The following CACNA2D3 variants were observed in gnomAD, a reference collection of about 807,000 sequenced individuals.
CACNA2D3 encodes the protein voltage-dependent calcium channel subunit alpha-2/delta-3.
Under a neutral mutation model 160.6 loss-of-function variants are expected in CACNA2D3, and 60 were observed. That is an observed-to-expected ratio of 0.37 (90% CI 0.30 to 0.46). The LOEUF is 0.46. Among genes scored for constraint, CACNA2D3 ranks in the 20% least tolerant of loss-of-function variants. CACNA2D3 has a pLI of 1.00. For missense variants in CACNA2D3, 1,205 were observed against 1,365.0 expected (o/e 0.88, Z 1.85); for synonymous variants, 558 against 492.9 (o/e 1.13, Z -1.75).
intron 2 of CACNA2D3, chr3:54,273,299 T>C (rs970872589): frequency 6.6e-6 from 1 of 152,274 alleles, no homozygotes; most frequent in Admixed American, 6.5e-5. Flanking sequence ...CCTTCTTCCT[T>C]TGTCGGCTGT....
At chr3:54,742,909 C>T (rs1701683246) in intron 11 of CACNA2D3, among the ~76,000 whole-genome samples, 1 of 152,170 alleles carries the variant, frequency 6.6e-6, no homozygotes, top group Non-Finnish European at 1.5e-5. Flanking sequence ...TTTTATACCT[C>T]CATTTCCTCA....
chr3:54,351,923 A>G (rs1266299632), intron 3 of CACNA2D3, among the ~76,000 whole-genome samples: 1 of 152,190 alleles, frequency 6.6e-6, no homozygotes, highest in African/African-American at 2.4e-5. Context: ...CCCATGTTGG[A>G]TACCTCCTCT....
intron 11 of CACNA2D3, among the ~76,000 whole-genome samples, chr3:54,730,494 T>TTC (rs755322146): frequency 9.4e-6 from 1 of 106,672 alleles, no homozygotes; most frequent in East Asian, 2.0e-4. Flanking sequence ...AACAGAATCT[T>TTC]TCTTTCTTTC....
intron 5 of CACNA2D3, among the ~76,000 whole-genome samples, chr3:54,555,181 C>G (rs1265201990): frequency 6.6e-6 from 1 of 152,054 alleles, no homozygotes; most frequent in Non-Finnish European, 1.5e-5. Flanking sequence ...CAGCCAAGAC[C>G]TTATTTATTT....
chr3:54,178,108 C>T (rs748783549), intron 2 of CACNA2D3, among the ~76,000 whole-genome samples: 13 of 152,118 alleles, frequency 8.5e-5, no homozygotes, highest in Non-Finnish European at 1.9e-4. Flanking sequence ...AAGTAGTAAG[C>T]TGGAGAGCTT....
chr3:54,419,182 T>G (rs1699801114), intron 4 of CACNA2D3, among the ~76,000 whole-genome samples: 1 of 152,232 alleles, frequency 6.6e-6, no homozygotes, highest in South Asian at 2.1e-4. Context: ...ACTTGAGCCA[T>G]GTCAAGCCTC....
At chr3:54,746,220 C>T (rs950167414) in intron 11 of CACNA2D3, among the ~76,000 whole-genome samples, 2 of 152,296 alleles carry the variant, frequency 1.3e-5, no homozygotes, top group East Asian at 3.9e-4. Flanking sequence ...CAGGTTCCAA[C>T]CCTTATCTTC....
intron 13 of CACNA2D3, among the ~76,000 whole-genome samples, chr3:54,783,290 G>A (rs567822244): frequency 2.0e-4 from 30 of 152,122 alleles, no homozygotes; most frequent in African/African-American, 6.7e-4. Context: ...AAAAACCCAT[G>A]GTACCCACTT....
chr3:54,287,208 G>A (rs1703054431), intron 2 of CACNA2D3, among the ~76,000 whole-genome samples: 1 of 152,138 alleles, frequency 6.6e-6, no homozygotes, highest in Non-Finnish European at 1.5e-5. Flanking sequence ...ACACACATAG[G>A]CTCAAAATAA....
intron 35 of CACNA2D3, among the ~76,000 whole-genome samples, chr3:55,039,145 G>C (rs982219899): frequency 2.6e-5 from 4 of 151,956 alleles, no homozygotes; most frequent in South Asian, 4.2e-4. Context: ...TCTTGAAATA[G>C]AGCCATAGAA....
chr3:54,691,839 A>C (rs1700577451), intron 11 of CACNA2D3, among the ~76,000 whole-genome samples: 1 of 152,208 alleles, frequency 6.6e-6, no homozygotes, highest in Non-Finnish European at 1.5e-5. Context: ...GCTTCAGGAA[A>C]TTAAAGAGAA....
intron 4 of CACNA2D3, among the ~76,000 whole-genome samples, chr3:54,501,188 A>G (rs538053866): frequency 6.6e-6 from 1 of 152,164 alleles, no homozygotes; most frequent in Non-Finnish European, 1.5e-5. Flanking sequence ...TTACTGTCAC[A>G]TTGGAACACC....
At chr3:54,920,155 A>G (rs1214222483) in intron 27 of CACNA2D3, among the ~76,000 whole-genome samples, 1 of 152,228 alleles carries the variant, frequency 6.6e-6, no homozygotes, top group African/African-American at 2.4e-5. Flanking sequence ...ATTATACCAG[A>G]AAGACATATG....
At chr3:54,877,883 G>A (rs187746097) in intron 18 of CACNA2D3, among the ~76,000 whole-genome samples, 106 of 152,260 alleles carry the variant, frequency 7.0e-4, no homozygotes, top group African/African-American at 2.3e-3. Context: ...AAATCGAGCC[G>A]TTCTTAAAAG....
At chr3:54,593,926 G>A (rs79698395) in intron 9 of CACNA2D3, among the ~76,000 whole-genome samples, 13,213 of 152,152 alleles carry the variant, frequency 0.087, 817 homozygotes, top group South Asian at 0.25. Flanking sequence ...GTTTCTATGC[G>A]AGATGTAGTA....
chr3:54,697,907 C>T (rs1700693069), intron 11 of CACNA2D3, among the ~76,000 whole-genome samples: 1 of 152,140 alleles, frequency 6.6e-6, no homozygotes, highest in Non-Finnish European at 1.5e-5. Context: ...TCTCATTTCA[C>T]TTGTGGGCAT....
intron 4 of CACNA2D3, among the ~76,000 whole-genome samples, chr3:54,394,291 C>T (rs1361105602): frequency 1.3e-5 from 2 of 151,134 alleles, no homozygotes; most frequent in Non-Finnish European, 2.9e-5. Context: ...AGGCAATCTG[C>T]CTGCAACCCT....
chr3:54,916,917 T>A (rs1177577479), intron 27 of CACNA2D3, among the ~76,000 whole-genome samples: 2 of 152,216 alleles, frequency 1.3e-5, no homozygotes, highest in Non-Finnish European at 2.9e-5. Flanking sequence ...AGTGCTGTCT[T>A]AAGGCATCTG....
chr3:54,382,643 G>A (rs1699122411), intron 3 of CACNA2D3, among the ~76,000 whole-genome samples: 1 of 152,164 alleles, frequency 6.6e-6, no homozygotes, highest in Admixed American at 6.5e-5. Context: ...AATTAGCCGG[G>A]AGTGATGGCG....
Sources: allele counts gnomAD v4.1 joint callset (sites outside exome capture counted in the v4.1 genomes callset), GRCh38; gene constraint gnomAD v4.1.1; transcripts MANE v1.5; gene names NCBI Gene and HGNC (gene_info 2026-07-23, HGNC 2026-07-21).